Variants in ZFP2 observed in about 807,000 individuals in gnomAD.
ZFP2 encodes the protein zinc finger protein ZFP2.
In ZFP2, 33 loss-of-function variants were observed where a neutral mutation model predicts 36.1. The ratio of observed to expected loss-of-function variants is 0.92; its 90% CI spans 0.69 to 1.22. The LOEUF is 1.22. Among genes scored for constraint, ZFP2 ranks in the 50% most tolerant of loss-of-function variants. The pLI is 0.00. For synonymous variants in ZFP2, 170 were observed against 178.0 expected (o/e 0.96, Z 0.36); for missense variants, 522 against 551.4 (o/e 0.95, Z 0.53).
chr5:178,931,101 A>C (rs1758824187), intron 4 of ZFP2, 136 bp from the exon 5 acceptor site: 2 of 939,976 alleles, frequency 2.1e-6, no homozygotes, highest in Non-Finnish European at 2.9e-6. Flanking sequence ...TTTTGGGTAC[A>C]TGTTTGAAAG....
In ZFP2 at chr5:178,931,800, T is replaced by C. The variant is rs749357742; in HGVS notation, c.487T>C (p.Cys163Arg). 3 of 1,614,158 alleles carry C rather than the reference T, an allele frequency of 1.9e-6. No individual in the cohort carries two copies. The highest frequency in any genetic ancestry group is 1.1e-5 in the South Asian group (1 of 91,078). Residue 163 changes from cysteine to arginine, a missense_variant, in exon 5 of 5, where the codon TGT becomes CGT. Transcript: ENST00000361362. ...AGAGAAACCCTATAAATGTAATGAA[T>C]GTGGGAAAGCCTTTAGTCAGAGCAT... The part of the protein sequence containing the change: ...TGEKPYKCNE[C>R]GKAFSQSMNL...
intron 4 of ZFP2, among the ~76,000 whole-genome samples, chr5:178,921,082 A>G (rs1758551038): frequency 1.3e-5 from 2 of 152,150 alleles, no homozygotes; most frequent in Admixed American, 1.3e-4. Context: ...TGTTGCTTGA[A>G]TCTTGCTCAC....
At chr5:178,923,720 G>A (rs1331988599) in intron 4 of ZFP2, among the ~76,000 whole-genome samples, 2 of 147,270 alleles carry the variant, frequency 1.4e-5, no homozygotes, top group African/African-American at 2.4e-5. Flanking sequence ...AATCTCTTCT[G>A]CCAGTTTTTT....
Position 178,931,627 on chromosome 5 carries a change from A to C in ZFP2, c.314A>C (p.Asn105Thr), listed in dbSNP as rs1338415428. 5 of 1,614,092 alleles carry C rather than the reference A, an allele frequency of 3.1e-6. No individual in the cohort carries two copies. In the Admixed American group the frequency reaches 5.0e-5, roughly 16 times the overall value. ...MFVGKKIYEC[N>T]QCSKTFSQSS... The stretch of plus-strand genomic sequence containing the variant: ...GTAGGAAAGAAGATCTATGAATGTA[A>C]TCAGTGCAGCAAAACCTTCAGTCAG... The change falls in exon 5 of 5, where the codon AAT becomes ACT. Residue 105 changes from asparagine (N) to threonine (T), a missense_variant. Transcript: ENST00000361362.
At chr5:178,918,641 G>C (rs1467441986) in intron 4 of ZFP2, among the ~76,000 whole-genome samples, 1 of 152,116 alleles carries the variant, frequency 6.6e-6, no homozygotes, top group East Asian at 1.9e-4. Context: ...GGCAGAAAAA[G>C]CATTCCAAGC....
At chr5:178,897,748 A>C (rs937230151) in intron 1 of ZFP2, among the ~76,000 whole-genome samples, 5 of 152,188 alleles carry the variant, frequency 3.3e-5, no homozygotes, top group Non-Finnish European at 7.3e-5. Context: ...CGGCTATAAC[A>C]TCCATGATTG....
intron 1 of ZFP2, among the ~76,000 whole-genome samples, chr5:178,907,728 G>A (rs529105496): frequency 6.6e-6 from 1 of 152,090 alleles, no homozygotes; most frequent in South Asian, 2.1e-4. Flanking sequence ...CAGAAACTTT[G>A]GCTCCAAGGC....
At chr5:178,912,510 C>T in intron 1 of ZFP2, 74 bp from the exon 2 acceptor site, 1 of 263,220 alleles carries the variant, frequency 3.8e-6, no homozygotes, top group Non-Finnish European at 5.9e-6. Flanking sequence ...GATCTTTGTC[C>T]TTTCAGTGCT....
rs148871170 is a variant in ZFP2 at position 178,929,100 on chromosome 5, C to A, written c.-77-2137C>A. On this transcript the variant is annotated intron_variant, in intron 4 of 4. Transcript: ENST00000361362. ...GGATGCAGGGAGCAGTGTCCCAAGG[C>A]TGTGCAGGGCACCGGGCCCTGGGCC... 9.1e-3 allele frequency among the ~76,000 whole-genome samples: 1,387 copies of A among 152,176 alleles called. 18 individuals are homozygous for A. The highest frequency in any genetic ancestry group is 0.032 in the African/African-American group (1,335 of 41,538).
intron 2 of ZFP2, 35 bp downstream of exon 2, chr5:178,912,754 G>C: frequency 9.5e-7 from 1 of 1,056,156 alleles, no homozygotes; most frequent in African/African-American, 1.7e-5. Flanking sequence ...CCCACCTCTT[G>C]ACAATCATAA....
At chr5:178,898,606 C>T (rs530369501) in intron 1 of ZFP2, among the ~76,000 whole-genome samples, 103 of 152,288 alleles carry the variant, frequency 6.8e-4, no homozygotes, top group African/African-American at 2.4e-3. Context: ...TCTGTCCCTC[C>T]CCAAGGAAGA....
chr5:178,928,152 A>G (rs944033825), intron 4 of ZFP2, among the ~76,000 whole-genome samples: 3 of 151,962 alleles, frequency 2.0e-5, no homozygotes, highest in African/African-American at 7.3e-5. Context: ...ATAAGGCCCA[A>G]CCTCCAACAC....
At chr5:178,929,934 C>A in intron 4 of ZFP2, among the ~76,000 whole-genome samples, 1 of 122,110 alleles carries the variant, frequency 8.2e-6, no homozygotes, top group East Asian at 2.2e-4. Flanking sequence ...CCAGCATCTG[C>A]TTGACGGTGG....
chr5:178,896,406 T>C, intron 1 of ZFP2, among the ~76,000 whole-genome samples: 1 of 152,122 alleles, frequency 6.6e-6, no homozygotes, highest in Non-Finnish European at 1.5e-5. Context: ...GCTGCGACCG[T>C]GGAGCGAACC....
chr5:178,908,145 A>G (rs1463755680), intron 1 of ZFP2, among the ~76,000 whole-genome samples: 4 of 152,130 alleles, frequency 2.6e-5, no homozygotes, highest in Non-Finnish European at 4.4e-5. Context: ...ATCTGTGTAA[A>G]TCTTTAAAAA....
intron 1 of ZFP2, among the ~76,000 whole-genome samples, chr5:178,897,649 T>C (rs1330499867): frequency 6.6e-6 from 1 of 152,252 alleles, no homozygotes; most frequent in African/African-American, 2.4e-5. Context: ...ATGAAATATA[T>C]ATATACACAC....
At chr5:178,928,108 A>T (rs1319547025) in intron 4 of ZFP2, among the ~76,000 whole-genome samples, 3 of 152,040 alleles carry the variant, frequency 2.0e-5, no homozygotes, top group African/African-American at 7.2e-5. Flanking sequence ...TAAACCATTC[A>T]TAAGAAACCA....
chr5:178,903,880 A>G (rs1758111024), intron 1 of ZFP2, among the ~76,000 whole-genome samples: 1 of 152,226 alleles, frequency 6.6e-6, no homozygotes, highest in Non-Finnish European at 1.5e-5. Context: ...AGTCCCAGCT[A>G]CTGGGGAGGC....
intron 4 of ZFP2, among the ~76,000 whole-genome samples, chr5:178,920,804 G>T (rs1264492499): frequency 1.3e-5 from 2 of 152,120 alleles, no homozygotes. Flanking sequence ...TAAGATAATT[G>T]TATCATCTCA....
Sources: allele counts gnomAD v4.1 joint callset (sites outside exome capture counted in the v4.1 genomes callset), GRCh38; gene constraint gnomAD v4.1.1; transcripts MANE v1.5; gene names NCBI Gene and HGNC (gene_info 2026-07-23, HGNC 2026-07-21).